MAF: variants seen among roughly 807,000 people sequenced by gnomAD.
The protein encoded by MAF is transcription factor Maf.
Under a neutral mutation model 22.0 loss-of-function variants are expected in MAF, and 10 were observed. The ratio of observed to expected loss-of-function variants is 0.45; its 90% CI spans 0.28 to 0.77. The LOEUF is 0.77. Among genes scored for constraint, MAF ranks in the 30% least tolerant of loss-of-function variants. The pLI is 0.12. For synonymous variants in MAF, 337 were observed against 255.8 expected (o/e 1.32, Z -3.03); for missense variants, 544 against 548.4 (o/e 0.99, Z 0.08).
the MAF span, among the ~76,000 whole-genome samples, chr16:79,478,048 T>G: frequency 6.6e-6 from 1 of 152,144 alleles, no homozygotes; most frequent in Admixed American, 6.5e-5. Flanking sequence ...AAACAAATAC[T>G]CAGAGCTGGG....
At chr16:79,210,188 G>C in the MAF span, among the ~76,000 whole-genome samples, 21 of 152,098 alleles carry the variant, frequency 1.4e-4, no homozygotes, top group Non-Finnish European at 3.1e-4. Context: ...TCAGTTTTCA[G>C]ACCAACTCCA....
the MAF span, among the ~76,000 whole-genome samples, chr16:79,365,401 C>T: frequency 5.6e-4 from 86 of 152,246 alleles, no homozygotes; most frequent in Admixed American, 1.3e-3. Flanking sequence ...ACAAATACAA[C>T]GCTGCTGATG....
chr16:79,262,379 A>T, the MAF span, among the ~76,000 whole-genome samples: 1 of 152,210 alleles, frequency 6.6e-6, no homozygotes, highest in Non-Finnish European at 1.5e-5. Flanking sequence ...GCAATAGAAA[A>T]TGTAGACAAA....
At chr16:79,205,017 C>T in the MAF span, 1 of 152,178 alleles carries the variant, frequency 6.6e-6, no homozygotes, top group Middle Eastern at 3.2e-3. Context: ...TATGACACTT[C>T]CTTCTAGCCA....
At chr16:79,416,511 A>AAT in the MAF span, among the ~76,000 whole-genome samples, 2 of 152,110 alleles carry the variant, frequency 1.3e-5, no homozygotes, top group South Asian at 2.1e-4. Context: ...AAAAAAAAAA[A>AAT]AAGATCAGGC....
At chr16:79,250,131 A>G in the MAF span, among the ~76,000 whole-genome samples, 1 of 152,178 alleles carries the variant, frequency 6.6e-6, no homozygotes, top group Admixed American at 6.5e-5. Context: ...CTTTAGCCAG[A>G]TTTGTCCACA....
the MAF span, among the ~76,000 whole-genome samples, chr16:79,508,579 G>A: frequency 7.2e-5 from 11 of 152,174 alleles, no homozygotes; most frequent in Non-Finnish European, 2.9e-5. Flanking sequence ...CAGCTCTTCC[G>A]GCTGAATATG....
chr16:79,401,739 A>G, the MAF span, among the ~76,000 whole-genome samples: 5 of 152,322 alleles, frequency 3.3e-5, no homozygotes, highest in East Asian at 9.6e-4. Context: ...ACCAGAAGGG[A>G]AGCAAAGCAA....
the MAF span, among the ~76,000 whole-genome samples, chr16:79,437,930 G>T: frequency 6.6e-6 from 1 of 152,130 alleles, no homozygotes; most frequent in Non-Finnish European, 1.5e-5. Context: ...GCCTCTGCAG[G>T]GGCTGCTGGC....
downstream of MAF, among the ~76,000 whole-genome samples, chr16:79,584,452 C>A (rs572784814): frequency 6.6e-6 from 1 of 152,338 alleles, no homozygotes; most frequent in East Asian, 1.9e-4. Context: ...CTTGCTCTCA[C>A]CTGTCAATCA....
chr16:79,216,350 CAT>C, the MAF span, among the ~76,000 whole-genome samples: 292 of 152,260 alleles, frequency 1.9e-3, no homozygotes, highest in Middle Eastern at 0.01. Context: ...ATATGTATTG[CAT>C]ATATATGTGT....
the MAF span, among the ~76,000 whole-genome samples, chr16:79,238,902 G>T: frequency 6.6e-6 from 1 of 151,904 alleles, no homozygotes; most frequent in Non-Finnish European, 1.5e-5. Flanking sequence ...TCTTGACCTG[G>T]ACTTGTTTGC....
At chr16:79,576,407 G>A in the MAF span, among the ~76,000 whole-genome samples, 3 of 152,038 alleles carry the variant, frequency 2.0e-5, no homozygotes, top group South Asian at 2.1e-4. Flanking sequence ...ACGGAGGGTC[G>A]TCATGCATGT....
chr16:79,313,618 A>G, the MAF span, among the ~76,000 whole-genome samples: 3 of 152,186 alleles, frequency 2.0e-5, no homozygotes, highest in South Asian at 2.1e-4. Flanking sequence ...AGCTGTCTCA[A>G]TCTTCAGTTT....
chr16:79,340,926 G>T, the MAF span, among the ~76,000 whole-genome samples: 1 of 152,154 alleles, frequency 6.6e-6, no homozygotes, highest in African/African-American at 2.4e-5. Flanking sequence ...GATAGAAACA[G>T]GATAGCAAGA....
the MAF span, among the ~76,000 whole-genome samples, chr16:79,284,046 C>T: frequency 6.6e-6 from 1 of 150,960 alleles, no homozygotes; most frequent in East Asian, 1.9e-4. Context: ...CAAATTTACA[C>T]TTACCATGTT....
At chr16:79,461,214 TCA>T in the MAF span, among the ~76,000 whole-genome samples, 1 of 152,230 alleles carries the variant, frequency 6.6e-6, no homozygotes, top group East Asian at 1.9e-4. Flanking sequence ...GTAAGAACAC[TCA>T]CATGATACTT....
At chr16:79,465,305 T>C in the MAF span, among the ~76,000 whole-genome samples, 1 of 152,122 alleles carries the variant, frequency 6.6e-6, no homozygotes, top group Non-Finnish European at 1.5e-5. Flanking sequence ...TAAAAACATA[T>C]TTAAGGGCAG....
chr16:79,384,548 G>C, the MAF span, among the ~76,000 whole-genome samples: 2 of 151,754 alleles, frequency 1.3e-5, no homozygotes, highest in African/African-American at 4.8e-5. Context: ...ACAAGGTCAG[G>C]AGATTGAGAC....
Sources: allele counts gnomAD v4.1 joint callset (sites outside exome capture counted in the v4.1 genomes callset), GRCh38; gene constraint gnomAD v4.1.1; transcripts MANE v1.5; gene names NCBI Gene and HGNC (gene_info 2026-07-23, HGNC 2026-07-21).